SGCG: variants seen among roughly 807,000 people sequenced by gnomAD.
SGCG encodes sarcoglycan gamma, also known as gamma-sarcoglycan.
Under a neutral mutation model 29.3 loss-of-function variants are expected in SGCG, and 26 were observed. That is an observed-to-expected ratio of 0.89 (90% CI 0.65 to 1.23). SGCG has a LOEUF of 1.23. Among genes scored for constraint, SGCG ranks in the 50% most tolerant of loss-of-function variants. The pLI, the probability that SGCG is intolerant of heterozygous loss-of-function variation, is 0.00. For synonymous variants in SGCG, 145 were observed against 129.7 expected (o/e 1.12, Z -0.80); for missense variants, 353 against 356.0 (o/e 0.99, Z 0.07).
chr13:23,186,659 CAG>C (rs1411367088), intron 1 of SGCG, among the ~76,000 whole-genome samples: 2 of 152,172 alleles, frequency 1.3e-5, no homozygotes, highest in East Asian at 3.9e-4. Context: ...CCCATCCTCA[CAG>C]GGGATCGGGG....
chr13:23,302,326 G>C (rs553853050), intron 6 of SGCG, among the ~76,000 whole-genome samples: 1 of 151,750 alleles, frequency 6.6e-6, no homozygotes, highest in Non-Finnish European at 1.5e-5. Flanking sequence ...CTTTTGGATA[G>C]AGTCATAATT....
In SGCG at chr13:23,310,288, C is replaced by A. The variant is rs373166689; in HGVS notation, c.579-10349C>A. ...TTTTTAGTAGAGACGGGGTTTCACC[C>A]TATTAGCCAGGGTGGTCTCGATCTC... On this transcript the variant is annotated intron_variant, in intron 6 of 7. Coordinates refer to ENST00000218867, the MANE Select transcript of SGCG (RefSeq NM_000231.3). 5.0e-4 allele frequency among the ~76,000 whole-genome samples: 76 copies of A among 151,820 alleles called. No individual in the cohort carries two copies. The East Asian group carries it at 5.6e-3, about 11-fold the overall frequency.
At chr13:23,311,530 G>C (rs184575932) in intron 6 of SGCG, among the ~76,000 whole-genome samples, 86 of 152,300 alleles carry the variant, frequency 5.6e-4, no homozygotes, top group Non-Finnish European at 1.0e-3. Context: ...CTTTTCTTCA[G>C]CCTTCACCTA....
intron 5 of SGCG, among the ~76,000 whole-genome samples, chr13:23,293,511 G>A (rs1172571804): frequency 6.6e-6 from 1 of 152,138 alleles, no homozygotes; most frequent in Non-Finnish European, 1.5e-5. Flanking sequence ...CAGTAATACT[G>A]TGGAGAAAAT....
chr13:23,287,760 GT>G (rs777933134), intron 5 of SGCG, among the ~76,000 whole-genome samples: 94 of 137,148 alleles, frequency 6.9e-4, no homozygotes, highest in African/African-American at 2.3e-3. Context: ...TTGTTTGTTT[GT>G]TTTGTTTTGT....
chr13:23,203,201 C>T (rs770052683), intron 1 of SGCG, among the ~76,000 whole-genome samples: 3 of 152,090 alleles, frequency 2.0e-5, no homozygotes, highest in Non-Finnish European at 2.9e-5. Context: ...CCTCGTGATC[C>T]GCCCACCTCA....
chr13:23,284,140 G>T (rs1881410019), intron 5 of SGCG, among the ~76,000 whole-genome samples: 1 of 152,256 alleles, frequency 6.6e-6, no homozygotes, highest in Admixed American at 6.5e-5. Flanking sequence ...TCCTGAATTT[G>T]AATGTTGGCC....
At chr13:23,315,442 T>C (rs4769259) in intron 6 of SGCG, among the ~76,000 whole-genome samples, 28,942 of 152,200 alleles carry the variant, frequency 0.19, 3,342 homozygotes, top group Non-Finnish European at 0.25. Context: ...GGTCTCCCCT[T>C]CTGCCACCCT....
chr13:23,216,685 T>C (rs1878441918), intron 2 of SGCG, among the ~76,000 whole-genome samples: 1 of 152,152 alleles, frequency 6.6e-6, no homozygotes, highest in South Asian at 2.1e-4. Context: ...GAGGTATATA[T>C]ACATTGTTGT....
chr13:23,215,754 C>G (rs1007417534), intron 2 of SGCG, among the ~76,000 whole-genome samples: 1 of 151,622 alleles, frequency 6.6e-6, no homozygotes, highest in African/African-American at 2.4e-5. Flanking sequence ...AAATAGGGAT[C>G]CCAGCATGGA....
chr13:23,239,319 A>C (rs1157359718), intron 3 of SGCG, among the ~76,000 whole-genome samples: 1 of 152,168 alleles, frequency 6.6e-6, no homozygotes, highest in Non-Finnish European at 1.5e-5. Context: ...ACACTGAAGC[A>C]CCGACTTTAA....
intron 6 of SGCG, among the ~76,000 whole-genome samples, chr13:23,298,334 C>T (rs1415636718): frequency 1.3e-5 from 2 of 152,044 alleles, no homozygotes; most frequent in East Asian, 2.0e-4. Flanking sequence ...TCAGCCTGGG[C>T]GACAGAGCCA....
rs1391833685 is a variant in SGCG at position 23,299,439 on chromosome 13, TATATATATATA to T, written c.578+3953_578+3963del. ...ATATATATATATATATATATATATA[TATATATATATA>T]TATATATTTTTTTTTTTTTTTTAGT... On this transcript the variant is annotated intron_variant, in intron 6 of 7. Coordinates refer to ENST00000218867, the MANE Select transcript of SGCG (RefSeq NM_000231.3). Among the ~76,000 whole-genome samples the T allele has an allele frequency of 6.7e-3, 142 of 21,186 alleles. 14 individuals carry two copies. Among genetic ancestry groups the T allele is most frequent in the African/African-American group, 0.016 (125 of 8,012 alleles). The allele number at this position is 21,186 out of a possible 152,430, so 13.9% of individuals were successfully genotyped here.
chr13:23,288,879 T>TA (rs1448619493), intron 5 of SGCG, among the ~76,000 whole-genome samples: 6 of 152,214 alleles, frequency 3.9e-5, no homozygotes, highest in Non-Finnish European at 8.8e-5. Context: ...AACAGAGTTC[T>TA]ATAATAGTAT....
At chr13:23,274,395 CTTTT>C (rs869153381) in intron 4 of SGCG, among the ~76,000 whole-genome samples, 13 of 85,228 alleles carry the variant, frequency 1.5e-4, no homozygotes, top group East Asian at 3.8e-4. Flanking sequence ...CTTTCTTTCT[CTTTT>C]TTTTTTTTTT....
chr13:23,197,041 T>C (rs963709264), intron 1 of SGCG, among the ~76,000 whole-genome samples: 1 of 152,162 alleles, frequency 6.6e-6, no homozygotes, highest in African/African-American at 2.4e-5. Context: ...AGTTCTCACT[T>C]TTCATTGCCT....
intron 1 of SGCG, among the ~76,000 whole-genome samples, chr13:23,186,752 CAG>C (rs1876991075): frequency 6.6e-6 from 1 of 152,192 alleles, no homozygotes; most frequent in Non-Finnish European, 1.5e-5. Context: ...GTGGCAAGAA[CAG>C]GGGATCCCGG....
chr13:23,316,118 G>A (rs974882941), intron 6 of SGCG, among the ~76,000 whole-genome samples: 1 of 152,180 alleles, frequency 6.6e-6, no homozygotes, highest in Non-Finnish European at 1.5e-5. Context: ...TACCCAGTTT[G>A]CCAGTAGCAG....
At chr13:23,239,444 T>C (rs1302150977) in intron 3 of SGCG, among the ~76,000 whole-genome samples, 1 of 152,148 alleles carries the variant, frequency 6.6e-6, no homozygotes, top group Non-Finnish European at 1.5e-5. Flanking sequence ...AGCAAGTTAC[T>C]TCAGCAGACT....
Sources: allele counts gnomAD v4.1 joint callset (sites outside exome capture counted in the v4.1 genomes callset), GRCh38; gene constraint gnomAD v4.1.1; transcripts MANE v1.5; gene names NCBI Gene and HGNC (gene_info 2026-07-23, HGNC 2026-07-21).